PCDH15: variants seen among roughly 807,000 people sequenced by gnomAD.
PCDH15 encodes protocadherin-15.
PCDH15 carries 129 observed loss-of-function variants against 178.5 expected under a neutral mutation model. The ratio of observed to expected loss-of-function variants is 0.72; its 90% CI spans 0.63 to 0.84. PCDH15 has a LOEUF of 0.84. Among genes scored for constraint, PCDH15 ranks in the 40% least tolerant of loss-of-function variants. PCDH15 has a pLI of 0.00. For missense variants in PCDH15, 2,230 were observed against 2,099.9 expected, an observed-to-expected ratio of 1.06 and a Z score of -1.21; for synonymous variants, 800 against 732.0, an observed-to-expected ratio of 1.09 and a Z score of -1.50.
chr10:54,825,779 A>C (rs1953121585), intron 3 of PCDH15, among the ~76,000 whole-genome samples: 1 of 152,052 alleles, frequency 6.6e-6, no homozygotes, highest in African/African-American at 2.4e-5. Context: ...TAGGTTTCTA[A>C]ACACAGTCAT....
chr10:54,959,129 G>A (rs1485358207), intron 2 of PCDH15, among the ~76,000 whole-genome samples: 2 of 151,516 alleles, frequency 1.3e-5, no homozygotes, highest in Admixed American at 6.6e-5. Context: ...TGAGAAGGCA[G>A]GAAGAGAAGG....
intron 2 of PCDH15, among the ~76,000 whole-genome samples, chr10:55,582,618 A>T (rs867844920): frequency 0.081 from 7,022 of 87,170 alleles, 595 homozygotes; most frequent in African/African-American, 0.15. Flanking sequence ...ATATATATAT[A>T]TATATATATA....
intron 3 of PCDH15, among the ~76,000 whole-genome samples, chr10:54,829,604 T>C (rs770077256): frequency 1.3e-5 from 2 of 152,076 alleles, no homozygotes; most frequent in African/African-American, 2.4e-5. Context: ...CCCAAATTAA[T>C]TTTTTGTGCT....
chr10:55,247,949 G>A (rs1446194045), intron 1 of PCDH15: 2 of 145,160 alleles, frequency 1.4e-5, no homozygotes, highest in Non-Finnish European at 1.5e-5. Flanking sequence ...CTATTAAAAT[G>A]GAATACTTTT....
chr10:54,868,287 T>C (rs983471222), intron 3 of PCDH15, among the ~76,000 whole-genome samples: 3 of 152,210 alleles, frequency 2.0e-5, no homozygotes, highest in Non-Finnish European at 2.9e-5. Flanking sequence ...TATACCTGTC[T>C]ATATGGCATC....
intron 3 of PCDH15, among the ~76,000 whole-genome samples, chr10:54,807,572 C>A (rs973524097): frequency 6.6e-6 from 1 of 151,184 alleles, no homozygotes; most frequent in Non-Finnish European, 1.5e-5. Flanking sequence ...GTCAAGCCAG[C>A]CTTATGTTGT....
At chr10:53,873,410 T>G (rs1268707554) in intron 26 of PCDH15, among the ~76,000 whole-genome samples, 2 of 152,236 alleles carry the variant, frequency 1.3e-5, no homozygotes, top group African/African-American at 2.4e-5. Flanking sequence ...AGATGCTATG[T>G]AAATACATAT....
At chr10:54,795,541 T>C (rs573395417) in intron 1 of PCDH15, among the ~76,000 whole-genome samples, 1 of 152,032 alleles carries the variant, frequency 6.6e-6, no homozygotes, top group African/African-American at 2.4e-5. Flanking sequence ...TGGAAACTAA[T>C]ATTCAGAGCA....
At chr10:55,523,276 A>G (rs901088673) in intron 2 of PCDH15, among the ~76,000 whole-genome samples, 1 of 151,478 alleles carries the variant, frequency 6.6e-6, no homozygotes, top group Non-Finnish European at 1.5e-5. Flanking sequence ...CACAGGTGTC[A>G]TATATTTTCT....
intron 2 of PCDH15, among the ~76,000 whole-genome samples, chr10:55,055,245 CA>C (rs1841268623): frequency 6.6e-6 from 1 of 152,092 alleles, no homozygotes; most frequent in African/African-American, 2.4e-5. Context: ...GCCTGTTATC[CA>C]AGCAACATTT....
intron 28 of PCDH15, among the ~76,000 whole-genome samples, chr10:53,845,825 G>A (rs913303694): frequency 6.6e-6 from 1 of 151,682 alleles, no homozygotes; most frequent in Non-Finnish European, 1.5e-5. Context: ...GGAATTTATA[G>A]TTAAAAATAA....
chr10:54,655,234 A>AAGGGAGGG, intron 2 of PCDH15, among the ~76,000 whole-genome samples: 1 of 124,048 alleles, frequency 8.1e-6, no homozygotes, highest in African/African-American at 3.0e-5. Flanking sequence ...GGAAGGGAGG[A>AAGGGAGGG]AGGGAAAGAA....
intron 2 of PCDH15, among the ~76,000 whole-genome samples, chr10:55,353,339 T>G (rs1009207570): frequency 6.6e-6 from 1 of 152,148 alleles, no homozygotes; most frequent in Non-Finnish European, 1.5e-5. Flanking sequence ...TGACTTAAAA[T>G]TCATGGTCTG....
intron 8 of PCDH15, among the ~76,000 whole-genome samples, chr10:54,305,374 A>T (rs1365640738): frequency 3.3e-5 from 5 of 152,060 alleles, no homozygotes; most frequent in Non-Finnish European, 7.4e-5. Context: ...GTAATACTGT[A>T]CACAGAATTC....
At chr10:54,726,024 T>TA (rs143242197) in intron 1 of PCDH15, among the ~76,000 whole-genome samples, 18,462 of 151,610 alleles carry the variant, frequency 0.12, 1,251 homozygotes, top group African/African-American at 0.17. Context: ...CCTCAGGGCA[T>TA]AGCTCTGCCT....
Position 54,689,486 on chromosome 10 carries a change from C to G in PCDH15, c.-28-25196G>C, listed in dbSNP as rs529788883. Among the ~76,000 whole-genome samples the G allele has an allele frequency of 3.3e-5, 5 of 152,220 alleles. No homozygotes were observed. In the South Asian group the frequency reaches 1.0e-3, roughly 32 times the overall value. On this transcript the variant is annotated intron_variant, in intron 1 of 37. Transcript: ENST00000644397. ...CTTGATCAACACTTACATTTTGCCT[C>G]TGACTACTTTCCTCATTAACTTACC...
intron 27 of PCDH15, among the ~76,000 whole-genome samples, chr10:53,864,531 A>G (rs763686749): frequency 3.3e-5 from 5 of 152,112 alleles, no homozygotes; most frequent in Non-Finnish European, 7.4e-5. Context: ...CCTTGGGTCA[A>G]TTCAGCTCAG....
chr10:55,358,801 A>C (rs1208977262), intron 2 of PCDH15, among the ~76,000 whole-genome samples: 1 of 152,194 alleles, frequency 6.6e-6, no homozygotes, highest in Non-Finnish European at 1.5e-5. Context: ...GCCAGAGATG[A>C]AAGTTGCTTA....
At chr10:55,614,775 C>A (rs1467617258) in intron 2 of PCDH15, among the ~76,000 whole-genome samples, 1 of 152,120 alleles carries the variant, frequency 6.6e-6, no homozygotes, top group Non-Finnish European at 1.5e-5. Flanking sequence ...ATTTCTATAG[C>A]TTTTTGTCTA....
Sources: allele counts gnomAD v4.1 joint callset (sites outside exome capture counted in the v4.1 genomes callset), GRCh38; gene constraint gnomAD v4.1.1; transcripts MANE v1.5; gene names NCBI Gene and HGNC (gene_info 2026-07-23, HGNC 2026-07-21).